EVC2: variants seen among roughly 807,000 people sequenced by gnomAD.
The protein encoded by EVC2 is limbin.
EVC2 carries 148 observed loss-of-function variants against 149.3 expected under a neutral mutation model. The ratio of observed to expected loss-of-function variants is 0.99; its 90% CI spans 0.87 to 1.14. The LOEUF (loss-of-function observed/expected upper bound fraction) is 1.14, where lower values mean the gene tolerates loss of function less well. Among genes scored for constraint, EVC2 ranks in the 50% most tolerant of loss-of-function variants. EVC2 has a pLI of 0.00. For synonymous variants in EVC2, 776 were observed against 649.9 expected, an observed-to-expected ratio of 1.19 and a Z score of -2.95; for missense variants, 1,854 against 1,627.3, an observed-to-expected ratio of 1.14 and a Z score of -2.40.
Position 5,622,465 on chromosome 4 carries a change from A to G in EVC2, c.2501+72T>C, listed in dbSNP as rs755678597. 31 of 1,548,586 alleles carry G rather than the reference A, an allele frequency of 2.0e-5. No homozygotes were observed. The highest frequency in any genetic ancestry group is 2.7e-5 in the Non-Finnish European group (31 of 1,137,072). On this transcript the variant is annotated intron_variant, in intron 14 of 21. Transcript: ENST00000344408. This position sits in a 1 kb window ranked among gnomAD's most constrained non-coding sequence, Gnocchi z 5.8. ...GTGTCTCATGCTTGGCCATCCCCACAACCACAGGGCAGGAATCTCCCTGGC... is the reference window on the plus strand; with the variant it reads ...GTGTCTCATGCTTGGCCATCCCCACGACCACAGGGCAGGAATCTCCCTGGC...
intron 8 of EVC2, among the ~76,000 whole-genome samples, chr4:5,664,387 C>A (rs1021213350): frequency 3.9e-5 from 6 of 152,164 alleles, no homozygotes; most frequent in African/African-American, 1.2e-4. Context: ...AGGGTCTTCA[C>A]GCCTTAAATC....
chr4:5,647,606 A>G (rs1300454879), intron 9 of EVC2, among the ~76,000 whole-genome samples: 1 of 152,240 alleles, frequency 6.6e-6, no homozygotes, highest in Non-Finnish European at 1.5e-5. Flanking sequence ...CAAATGAACT[A>G]AACAATCAAT....
rs368478022 is a variant in EVC2, at chr4:5,698,619, T to C, written c.229-972A>G. Among the ~76,000 whole-genome samples the C allele has an allele frequency of 6.2e-4, 94 of 152,378 alleles. 3 individuals carry two copies. The South Asian group carries it at 0.018, about 29-fold the overall frequency. On this transcript the variant is annotated intron_variant, in intron 1 of 21. Transcript: ENST00000344408. The stretch of plus-strand genomic sequence containing the variant: ...AGTAAAAGCTCTCCCAGATGGAACC[T>C]TCTCCATGTGCCAGTGCTTACGCTA...
Position 5,657,439 on chromosome 4 carries a change from G to C in EVC2, c.1145+5668C>G, listed in dbSNP as rs116349098. Among the ~76,000 whole-genome samples the C allele has an allele frequency of 2.8e-4, 43 of 152,230 alleles. No individual in the cohort carries two copies. Among genetic ancestry groups the C allele is most frequent in the Non-Finnish European group, 5.7e-4 (39 of 68,024 alleles). On this transcript the variant is annotated intron_variant, in intron 9 of 21. Transcript: ENST00000344408. The surrounding 1 kb of genome is among the most constrained non-coding windows in gnomAD (Gnocchi z 4.7). Reference sequence around the variant, plus strand: ...TCCCTGCAAGAGTGTCCCAGCCACAGGACATCCTTGGAGGAAGCTGGGTAG... The same window carrying C: ...TCCCTGCAAGAGTGTCCCAGCCACACGACATCCTTGGAGGAAGCTGGGTAG...
In EVC2 at chr4:5,633,959, C is replaced by T. The variant is rs1285337882; in HGVS notation, c.1471-1927G>A. ...CCTTTTACTTATTGTTTGATTTGTT[C>T]AGAATCTGGGCCAGAAAGACAAGCA... On this transcript the variant is annotated intron_variant, in intron 10 of 21. Coordinates refer to ENST00000344408, the MANE Select transcript of EVC2 (RefSeq NM_147127.5). The surrounding 1 kb of genome is among the most constrained non-coding windows in gnomAD (Gnocchi z 4.4). 6.6e-6 allele frequency among the ~76,000 whole-genome samples: 1 copy of T among 152,180 alleles called. No individual in the cohort carries two copies.
In EVC2 at chr4:5,583,217, C is replaced by A. The variant is rs185061816; in HGVS notation, c.3057+1406G>T. 2.7e-3 allele frequency among the ~76,000 whole-genome samples: 414 copies of A among 152,262 alleles called. 2 individuals carry two copies. The highest frequency in any genetic ancestry group is 9.6e-3 in the African/African-American group (400 of 41,536). ...TATTTCTAGAATAAACCCAACCTGT[C>A]CATAATGTATTAATTTTTTATAGAT... is the stretch of plus-strand genomic sequence containing the variant. On this transcript the variant is annotated intron_variant, in intron 17 of 21. Coordinates refer to ENST00000344408, the MANE Select transcript of EVC2 (RefSeq NM_147127.5).
chr4:5,563,786 C>T (rs1284135682), intron 21 of EVC2, among the ~76,000 whole-genome samples: 1 of 152,128 alleles, frequency 6.6e-6, no homozygotes, highest in East Asian at 1.9e-4. Flanking sequence ...AATTGTTAAA[C>T]ATTTATGAGT....
chr4:5,641,654 A>G (rs1293735965), intron 9 of EVC2, among the ~76,000 whole-genome samples: 2 of 152,246 alleles, frequency 1.3e-5, no homozygotes, highest in African/African-American at 4.8e-5. Context: ...AGCTACATAG[A>G]AAAAAATTAA....
intron 12 of EVC2, among the ~76,000 whole-genome samples, chr4:5,626,589 C>T (rs995622692): frequency 2.6e-5 from 4 of 152,142 alleles, no homozygotes; most frequent in African/African-American, 7.2e-5. Context: ...CCGCCTCGGC[C>T]TTCCAAAGTG....
rs201094138 is a variant in EVC2 at position 5,706,409 on chromosome 4, G to C, written c.228+1877C>G. 2.5e-3 allele frequency among the ~76,000 whole-genome samples: 190 copies of C among 76,506 alleles called. 14 individuals are homozygous for C. Among genetic ancestry groups the C allele is most frequent in the East Asian group, 9.8e-3 (18 of 1,842 alleles). The allele number at this position is 76,506 out of a possible 152,430, so 50.2% of individuals were successfully genotyped here. A position where few individuals can be genotyped will look rare whatever the true frequency, so the allele number is the denominator to read the frequency against. ...AGATAGATACATAGATAGATAGATAGATACATAGATAGATAGATACATAGA... is the reference window on the plus strand; with the variant it reads ...AGATAGATACATAGATAGATAGATACATACATAGATAGATAGATACATAGA... On this transcript the variant is annotated intron_variant, in intron 1 of 21. Transcript: ENST00000344408.
At chr4:5,687,376 C>G (rs570965259) in intron 5 of EVC2, among the ~76,000 whole-genome samples, 6 of 152,224 alleles carry the variant, frequency 3.9e-5, no homozygotes, top group Non-Finnish European at 7.3e-5. Context: ...CCCTTACCCT[C>G]ACAGCGCCTT....
At chr4:5,596,669 T>C (rs1008325461) in intron 16 of EVC2, among the ~76,000 whole-genome samples, 6 of 151,494 alleles carry the variant, frequency 4.0e-5, no homozygotes, top group Non-Finnish European at 5.9e-5. Context: ...ACTACAGAAG[T>C]AAGAGCAAAC....
intron 1 of EVC2, among the ~76,000 whole-genome samples, chr4:5,698,040 C>T (rs990789507): frequency 6.6e-6 from 1 of 152,080 alleles, no homozygotes; most frequent in Non-Finnish European, 1.5e-5. Context: ...TGTGAGCCAC[C>T]GCGTCCGGCC....
At chr4:5,559,093 C>T (rs1721891822), downstream of EVC2, among the ~76,000 whole-genome samples, 1 of 152,086 alleles carries the variant, frequency 6.6e-6, no homozygotes, top group Admixed American at 6.6e-5. This position sits in a 1 kb window ranked among gnomAD's most constrained non-coding sequence, Gnocchi z 5.0. Context: ...ACCTGTAGTC[C>T]CAGCTACTTG....
chr4:5,558,026 C>A (rs1721869858), downstream of EVC2, among the ~76,000 whole-genome samples: 1 of 152,010 alleles, frequency 6.6e-6, no homozygotes, highest in Non-Finnish European at 1.5e-5. Flanking sequence ...GAATATCAAT[C>A]AAAATTCTAG....
intron 16 of EVC2, among the ~76,000 whole-genome samples, chr4:5,600,856 A>G (rs1225521615): frequency 6.6e-6 from 1 of 152,176 alleles, no homozygotes; most frequent in Non-Finnish European, 1.5e-5. Context: ...CTTCCCTACA[A>G]CCAGCAGATG....
chr4:5,703,022 C>G (rs1289521011), intron 1 of EVC2, among the ~76,000 whole-genome samples: 1 of 152,160 alleles, frequency 6.6e-6, no homozygotes, highest in African/African-American at 2.4e-5. Flanking sequence ...CTACATATTA[C>G]TATGTATTGC....
rs73072302 is a variant in EVC2, at chr4:5,567,018, T to A, written c.3557+1426A>T. Among the ~76,000 whole-genome samples the A allele has an allele frequency of 6.6e-6, 1 of 152,100 alleles. No individual in the cohort carries two copies. Among genetic ancestry groups the A allele is most frequent in the Admixed American group, 6.5e-5 (1 of 15,278 alleles). The stretch of plus-strand genomic sequence containing the variant: ...GCTCCTAATATTCCATGGAGGAGCG[T>A]AGCATAGAGCATGTAACTGTCATCC... On this transcript the variant is annotated intron_variant, in intron 20 of 21. Coordinates refer to ENST00000344408, the MANE Select transcript of EVC2 (RefSeq NM_147127.5). The surrounding 1 kb of genome is among the most constrained non-coding windows in gnomAD (Gnocchi z 4.4).
chr4:5,659,133 G>C (rs57008416), intron 9 of EVC2, among the ~76,000 whole-genome samples: 20,777 of 152,220 alleles, frequency 0.14, 1,494 homozygotes, highest in Non-Finnish European at 0.15. Context: ...CGGCAGGATA[G>C]AGCAAAGTTA....
Sources: allele counts gnomAD v4.1 joint callset (sites outside exome capture counted in the v4.1 genomes callset), GRCh38; gene constraint gnomAD v4.1.1; non-coding constraint Gnocchi (gnomAD v3.1); transcripts MANE v1.5; gene names NCBI Gene and HGNC (gene_info 2026-07-23, HGNC 2026-07-21).